Variants in CDK13 observed in about 807,000 individuals in gnomAD.
The protein encoded by CDK13 is cyclin dependent kinase 13.
Under a neutral mutation model 137.6 loss-of-function variants are expected in CDK13, and 40 were observed. The ratio of observed to expected loss-of-function variants is 0.29; its 90% CI spans 0.23 to 0.38. CDK13 has a LOEUF of 0.38. Among genes scored for constraint, CDK13 ranks in the 10% least tolerant of loss-of-function variants. The pLI is 1.00. For missense variants in CDK13, 1,704 were observed against 1,951.8 expected, an observed-to-expected ratio of 0.87 and a Z score of 2.39; for synonymous variants, 869 against 760.1, an observed-to-expected ratio of 1.14 and a Z score of -2.36.
chr7:40,010,033 T>C (rs1784863750), intron 5 of CDK13, among the ~76,000 whole-genome samples: 1 of 152,240 alleles, frequency 6.6e-6, no homozygotes, highest in South Asian at 2.1e-4. Flanking sequence ...ATGCCATTTT[T>C]CCACAGACTG....
chr7:40,079,358 G>A (rs1000359067), intron 11 of CDK13, among the ~76,000 whole-genome samples: 1 of 151,976 alleles, frequency 6.6e-6, no homozygotes, highest in Non-Finnish European at 1.5e-5. Context: ...GGCGGAGGTT[G>A]CAGTGAGCCA....
In CDK13 at chr7:40,095,039, T is replaced by G; in HGVS notation, c.*59T>G. 2.0e-5 allele frequency: 26 copies of G among 1,308,364 alleles called. No individual in the cohort carries two copies. Among genetic ancestry groups the G allele is most frequent in the Non-Finnish European group, 2.6e-5 (26 of 1,009,102 alleles). The allele number at this position is 1,308,364 out of a possible 1,614,324, so 81.0% of individuals were successfully genotyped here. ...CTGGAAAGACTTTTCTAGCTGCAAT[T>G]TAAGGCAGCAATCCAAGAGACTTGA... On this transcript the variant is annotated 3_prime_UTR_variant, in exon 14 of 14. Transcript: ENST00000181839.
At chr7:39,961,456 C>T (rs1783722423) in intron 1 of CDK13, among the ~76,000 whole-genome samples, 1 of 152,142 alleles carries the variant, frequency 6.6e-6, no homozygotes, top group African/African-American at 2.4e-5. Context: ...TTACTTCTGT[C>T]TATCTGAAAC....
chr7:40,033,699 T>C (rs1266311960), intron 5 of CDK13, among the ~76,000 whole-genome samples: 1 of 152,174 alleles, frequency 6.6e-6, no homozygotes, highest in Non-Finnish European at 1.5e-5. Flanking sequence ...TTAGTTGTAT[T>C]CTCCACTTAG....
chr7:39,975,180 G>A (rs867783244), intron 1 of CDK13, among the ~76,000 whole-genome samples: 1 of 152,098 alleles, frequency 6.6e-6, no homozygotes, highest in African/African-American at 2.4e-5. Context: ...TTGGGAGGCC[G>A]AGGCAGGAGG....
chr7:40,039,958 T>A (rs1785569038), intron 5 of CDK13, among the ~76,000 whole-genome samples: 1 of 152,156 alleles, frequency 6.6e-6, no homozygotes. Flanking sequence ...TGTGTTTTTT[T>A]AAAAGTACTT....
intron 5 of CDK13, among the ~76,000 whole-genome samples, chr7:40,003,196 ACACACACACACT>A (rs1312160299): frequency 2.7e-3 from 290 of 107,578 alleles, no homozygotes; most frequent in Non-Finnish European, 4.3e-3. Context: ...ACACACACAC[ACACACACACACT>A]CTCTCTCTCT....
Position 39,950,494 on chromosome 7 carries a change from C to G in CDK13, c.-148C>G. The G allele has an allele frequency of 7.9e-7, 1 of 1,262,976 alleles. No homozygotes were observed. Among genetic ancestry groups the G allele is most frequent in the Non-Finnish European group, 9.9e-7 (1 of 1,005,216 alleles). 78.2% of individuals were successfully genotyped at this position (1,262,976 alleles called of 1,614,324 possible). On this transcript the variant is annotated 5_prime_UTR_variant, in exon 1 of 14. Transcript: ENST00000181839. ...ACCTGGAACCCAGGGACCCGAGTCC[C>G]GACCCGGATTATCGTGGCGCTTTTC...
In CDK13 at chr7:40,094,408, T is replaced by G; in HGVS notation, c.3967T>G (p.Tyr1323Asp). 3.1e-6 allele frequency: 5 copies of G among 1,614,098 alleles called. No homozygotes were observed. Among genetic ancestry groups the G allele is most frequent in the Non-Finnish European group, 4.2e-6 (5 of 1,180,020 alleles). ...CCCCAAAAGAGAAGGTGGGATTGAT[T>G]ATCAAGCAGGAGACACTTACGTGTC... Reference protein sequence around the residue: ...DDPKREGGIDYQAGDTYVSTS... With the variant: ...DDPKREGGIDDQAGDTYVSTS... Residue 1323 changes from tyrosine to aspartate, a missense_variant, in exon 14 of 14, where the codon TAT becomes GAT. This residue lies in a region of CDK13 where 475 missense variants were observed against 579.3 expected (regional missense o/e 0.82). Coordinates refer to ENST00000181839, the MANE Select transcript of CDK13 (RefSeq NM_003718.5).
In CDK13 at chr7:39,950,402, A is replaced by G; in HGVS notation, c.-240A>G. ...TGCCGAGGATAGGACGACGAGCGCA[A>G]TCGGGAGCTCCGCCGCCCGGATTCC... On this transcript the variant is annotated 5_prime_UTR_variant, in exon 1 of 14. Coordinates refer to ENST00000181839, the MANE Select transcript of CDK13 (RefSeq NM_003718.5). 4 of 1,227,568 alleles carry G rather than the reference A, an allele frequency of 3.3e-6. No homozygotes were observed. Among genetic ancestry groups the G allele is most frequent in the Non-Finnish European group, 4.1e-6 (4 of 985,242 alleles). The allele number at this position is 1,227,568 out of a possible 1,614,324, so 76.0% of individuals were successfully genotyped here.
At chr7:40,038,956 A>G (rs1439383873) in intron 5 of CDK13, among the ~76,000 whole-genome samples, 2 of 152,172 alleles carry the variant, frequency 1.3e-5, no homozygotes, top group South Asian at 2.1e-4. Context: ...CAGCGTCCCA[A>G]AGTGCTGGGA....
intron 9 of CDK13, chr7:40,068,111 T>C (rs1208866555): frequency 6.7e-6 from 1 of 148,728 alleles, no homozygotes; most frequent in Non-Finnish European, 1.5e-5. Context: ...AAAGAAAAAT[T>C]GTATAAGATA....
intron 9 of CDK13, among the ~76,000 whole-genome samples, chr7:40,077,125 A>T (rs1413790320): frequency 6.6e-6 from 1 of 152,246 alleles, no homozygotes; most frequent in Non-Finnish European, 1.5e-5. Context: ...AGAGTAAAGC[A>T]GTTAAAATTT....
intron 1 of CDK13, among the ~76,000 whole-genome samples, chr7:39,969,633 T>C (rs912479976): frequency 5.3e-5 from 8 of 152,212 alleles, no homozygotes; most frequent in African/African-American, 1.9e-4. Context: ...GTCAGTAGAG[T>C]ATGGGATTCC....
At chr7:39,981,755 A>G (rs1444762999) in intron 1 of CDK13, among the ~76,000 whole-genome samples, 2 of 151,890 alleles carry the variant, frequency 1.3e-5, no homozygotes, top group East Asian at 1.9e-4. Context: ...CAGTTGATAT[A>G]GTGATCAAAT....
Position 39,951,570 on chromosome 7 carries a change from A to G in CDK13, c.929A>G (p.Tyr310Cys). The G allele has an allele frequency of 6.6e-7, 1 of 1,520,544 alleles. No individual in the cohort carries two copies. The highest frequency in any genetic ancestry group is 8.8e-7 in the Non-Finnish European group (1 of 1,136,108). 94.2% of individuals were successfully genotyped at this position (1,520,544 alleles called of 1,614,324 possible). ...GAGGACAAGACCGAGCCTAAGGCCT[A>G]CAGGCGGCGGCGGTCCCTCAGCCCA... Reference protein sequence around the residue: ...YREDKTEPKAYRRRRSLSPLG... With the variant: ...YREDKTEPKACRRRRSLSPLG... The change falls in exon 1 of 14, where the codon TAC (tyrosine) becomes TGC (cysteine). Residue 310 changes from tyrosine to cysteine, a missense_variant. Around this residue, in one of 5 missense-constraint regions of CDK13, gnomAD observed 1,051 missense variants for 931.0 expected, o/e 1.13. Coordinates refer to ENST00000181839, the MANE Select transcript of CDK13 (RefSeq NM_003718.5).
chr7:39,951,724 C>G lies in CDK13; in HGVS notation c.1083C>G (p.Pro361=), dbSNP rs779681796. 1 of 1,488,792 alleles carries G rather than the reference C, an allele frequency of 6.7e-7. No individual in the cohort carries two copies. Among genetic ancestry groups the G allele is most frequent in the Non-Finnish European group, 8.8e-7 (1 of 1,130,630 alleles). The allele number at this position is 1,488,792 out of a possible 1,614,324, so 92.2% of individuals were successfully genotyped here. ...YSRRLPRSPS[P]YSRRRSPSYS... is the part of the protein sequence containing the mutation. ...GGCGGCTGCCGCGCTCCCCGAGCCC[C>G]TACAGTCGCCGCCGCTCCCCCAGCT... is the stretch of plus-strand genomic sequence containing the variant. Residue 361 remains proline, a synonymous_variant, in exon 1 of 14, where the codon CCC becomes CCG. Transcript: ENST00000181839.
intron 5 of CDK13, among the ~76,000 whole-genome samples, chr7:40,036,259 CTT>C (rs199694945): frequency 0.013 from 1,969 of 152,190 alleles, 15 homozygotes; most frequent in Middle Eastern, 0.044. Context: ...AAATTTATCT[CTT>C]AATTCAATTT....
intron 2 of CDK13, among the ~76,000 whole-genome samples, chr7:39,992,087 A>ACG (rs1249130469): frequency 2.9e-5 from 1 of 35,012 alleles, no homozygotes; most frequent in African/African-American, 7.5e-5. Context: ...ACACACACAC[A>ACG]CACACACACA....
Sources: gnomAD v4.1 joint callset for allele counts (sites outside exome capture counted in the v4.1 genomes callset) on GRCh38, gnomAD v4.1.1 for gene constraint, gnomAD v4.1.1 regional missense constraint, MANE v1.5 for transcripts, NCBI Gene and HGNC (gene_info 2026-07-23, HGNC 2026-07-21) for gene names.